GPM6B: variants seen among roughly 807,000 people sequenced by gnomAD.
GPM6B encodes the protein neuronal membrane glycoprotein M6-b.
Under a neutral mutation model 27.2 loss-of-function variants are expected in GPM6B, and 4 were observed. The observed-to-expected ratio is 0.15, with a 90% CI of 0.07 to 0.34. The LOEUF (loss-of-function observed/expected upper bound fraction) is 0.34, where lower values mean the gene tolerates loss of function less well. Among genes scored for constraint, GPM6B ranks in the 10% least tolerant of loss-of-function variants. The pLI, the probability that GPM6B is intolerant of heterozygous loss-of-function variation, is 1.00. For missense variants in GPM6B, 183 were observed against 261.9 expected (o/e 0.70, Z 2.08); for synonymous variants, 124 against 103.1 (o/e 1.20, Z -1.23).
chrX:13,840,050 CA>C (rs1327845688), intron 1 of GPM6B, among the ~76,000 whole-genome samples: 1 of 111,816 alleles, frequency 8.9e-6, no homozygotes, highest in Non-Finnish European at 1.9e-5. Context: ...TGGCTTTTGA[CA>C]AAGGTGTTTA....
At chrX:13,799,743 T>G (rs2048886564) in intron 2 of GPM6B, among the ~76,000 whole-genome samples, 1 of 111,450 alleles carries the variant, frequency 9.0e-6, no homozygotes, top group Non-Finnish European at 1.9e-5. Context: ...GCTTAGAGTC[T>G]AGTACCTCAG....
chrX:13,834,931 G>A (rs1016672122), intron 1 of GPM6B, among the ~76,000 whole-genome samples: 1 of 112,514 alleles, frequency 8.9e-6, no homozygotes, highest in Non-Finnish European at 1.9e-5. Context: ...CATGTGCCAA[G>A]GATTGTGTCA....
At chrX:13,921,483 T>A (rs1221556555) in intron 1 of GPM6B, among the ~76,000 whole-genome samples, 1 of 111,298 alleles carries the variant, frequency 9.0e-6, no homozygotes, top group Non-Finnish European at 1.9e-5. Context: ...GAAGAGGAGA[T>A]GTTACAGCTC....
At chrX:13,930,732 T>C (rs1167163300) in intron 1 of GPM6B, among the ~76,000 whole-genome samples, 1 of 112,133 alleles carries the variant, frequency 8.9e-6, no homozygotes, top group Non-Finnish European at 1.9e-5. Context: ...TTAGATAAAA[T>C]GGACAAAGCC....
At chrX:13,799,761 G>A (rs1056807706) in intron 2 of GPM6B, among the ~76,000 whole-genome samples, 3 of 111,353 alleles carry the variant, frequency 2.7e-5, no homozygotes, top group African/African-American at 6.5e-5. Context: ...CAGGAAGGCC[G>A]TCAAACACCT....
chrX:13,790,401 G>A (rs900054415), intron 2 of GPM6B, among the ~76,000 whole-genome samples: 4 of 112,197 alleles, frequency 3.6e-5, no homozygotes, highest in African/African-American at 1.3e-4. Flanking sequence ...CAGCAGGGAG[G>A]AACTTGTGAG....
chrX:13,831,225 C>CACACACA (rs1329051528), intron 1 of GPM6B, among the ~76,000 whole-genome samples: 1 of 98,823 alleles, frequency 1.0e-5, no homozygotes, highest in African/African-American at 3.7e-5. Flanking sequence ...CACACACACA[C>CACACACA]AAATGGCTTG....
chrX:13,819,765 A>T (rs1180283068), upstream of GPM6B, among the ~76,000 whole-genome samples: 1 of 111,681 alleles, frequency 9.0e-6, no homozygotes, highest in Non-Finnish European at 1.9e-5. Flanking sequence ...CTTCTAAAAC[A>T]GGGTGCTCCT....
intron 1 of GPM6B, among the ~76,000 whole-genome samples, chrX:13,927,990 G>A (rs1010337418): frequency 1.8e-5 from 2 of 112,018 alleles, no homozygotes; most frequent in Non-Finnish European, 3.8e-5. Flanking sequence ...TTCTACACAC[G>A]AAAGCATTTA....
At chrX:13,886,436 G>A (rs992392827) in intron 1 of GPM6B, among the ~76,000 whole-genome samples, 3 of 109,870 alleles carry the variant, frequency 2.7e-5, no homozygotes, top group Non-Finnish European at 3.8e-5. Flanking sequence ...CCTGAAAAAC[G>A]CTTCCACACA....
chrX:13,821,571 A>G (rs2049307381), upstream of GPM6B, among the ~76,000 whole-genome samples: 2 of 112,516 alleles, frequency 1.8e-5, no homozygotes, highest in Non-Finnish European at 3.8e-5. Context: ...AGCACTTATT[A>G]AAGGCCAGAA....
At chrX:13,826,050 G>A (rs2049368341) in intron 1 of GPM6B, among the ~76,000 whole-genome samples, 2 of 111,830 alleles carry the variant, frequency 1.8e-5, no homozygotes, top group South Asian at 3.7e-4. Flanking sequence ...GAGGTTAAAA[G>A]GGCAACCTGT....
rs1435714393 is a variant in GPM6B, at chrX:13,856,920, C to T, written c.-197-71112G>A. ...TTGCCATATTGCCCAAACTGGGGGACTGAGTTCTTACGGAAGCTCTAAAGG... is the reference window on the plus strand; with the variant it reads ...TTGCCATATTGCCCAAACTGGGGGATTGAGTTCTTACGGAAGCTCTAAAGG... On this transcript the variant is annotated intron_variant, in intron 1 of 6. Coordinates refer to the GPM6B transcript ENST00000398361. Among the ~76,000 whole-genome samples the T allele has an allele frequency of 9.0e-5, 10 of 111,256 alleles. No homozygotes were observed. In the Admixed American group the frequency reaches 9.6e-4, roughly 11 times the overall value.
intron 1 of GPM6B, among the ~76,000 whole-genome samples, chrX:13,856,805 TC>T (rs2049786533): frequency 9.2e-6 from 1 of 108,256 alleles, no homozygotes; most frequent in Non-Finnish European, 1.9e-5. Flanking sequence ...GCTCATGCAA[TC>T]CCCCTGCCGC....
chrX:13,845,387 G>A (rs1366586527), intron 1 of GPM6B, among the ~76,000 whole-genome samples: 1 of 111,837 alleles, frequency 8.9e-6, no homozygotes, highest in Admixed American at 9.5e-5. Context: ...TCCATCTCAC[G>A]TAATTTTTGT....
At chrX:13,798,227 T>C (rs1004045894) in intron 2 of GPM6B, among the ~76,000 whole-genome samples, 2 of 110,173 alleles carry the variant, frequency 1.8e-5, no homozygotes, top group Non-Finnish European at 3.8e-5. Flanking sequence ...AAACTAAGGA[T>C]TGGTGGTGAA....
At chrX:13,879,872 C>T (rs775354703) in intron 1 of GPM6B, among the ~76,000 whole-genome samples, 2 of 111,885 alleles carry the variant, frequency 1.8e-5, no homozygotes, top group South Asian at 7.6e-4. Flanking sequence ...GCATTTCTAG[C>T]AAGTTCCCAG....
In GPM6B at chrX:13,771,283, C is replaced by G. The variant is rs1051327275; in HGVS notation, c.*1598G>C. 5 of 111,135 alleles carry G rather than the reference C, an allele frequency of 4.5e-5. No homozygotes were observed. The highest frequency in any genetic ancestry group is 1.6e-4 in the African/African-American group (5 of 30,466). The allele number at this position is 111,135 out of a possible 1,213,427, so 9.2% of individuals were successfully genotyped here. The stretch of plus-strand genomic sequence containing the variant: ...CTAGAACACTGGACTCTGACAGCAC[C>G]TCCACTGCTGGAAAGAATAGTTAAA... On this transcript the variant is annotated 3_prime_UTR_variant, in exon 8 of 8. Transcript: ENST00000316715.
At chrX:13,804,487 G>A (rs2048985250) in intron 2 of GPM6B, among the ~76,000 whole-genome samples, 1 of 110,520 alleles carries the variant, frequency 9.0e-6, no homozygotes, top group Non-Finnish European at 1.9e-5. Flanking sequence ...CAGAAAAGAT[G>A]TGGACACTAC....
Sources: gnomAD v4.1 joint callset for allele counts (sites outside exome capture counted in the v4.1 genomes callset) on GRCh38, gnomAD v4.1.1 for gene constraint, MANE v1.5 for transcripts, NCBI Gene and HGNC (gene_info 2026-07-23, HGNC 2026-07-21) for gene names.